The following TMEM132D variants were observed in gnomAD, a reference collection of about 807,000 sequenced individuals.
TMEM132D encodes transmembrane protein 132D.
TMEM132D carries 21 observed loss-of-function variants against 62.3 expected under a neutral mutation model. The ratio of observed to expected loss-of-function variants is 0.34; its 90% CI spans 0.24 to 0.49. The LOEUF (loss-of-function observed/expected upper bound fraction) is 0.49, where lower values mean the gene tolerates loss of function less well. TMEM132D is among the 20% of genes least tolerant of loss of function. TMEM132D has a pLI of 0.99. For synonymous variants in TMEM132D, 621 were observed against 575.6 expected, an observed-to-expected ratio of 1.08 and a Z score of -1.13; for missense variants, 1,346 against 1,402.8, an observed-to-expected ratio of 0.96 and a Z score of 0.65.
At chr12:129,626,751 G>C (rs140534843) in intron 2 of TMEM132D, among the ~76,000 whole-genome samples, 2 of 151,990 alleles carry the variant, frequency 1.3e-5, no homozygotes, top group Non-Finnish European at 2.9e-5. Flanking sequence ...CCACCAGGCC[G>C]GCCTAGTGCA....
intron 5 of TMEM132D, among the ~76,000 whole-genome samples, chr12:129,186,308 C>A (rs1878220836): frequency 6.6e-6 from 1 of 152,226 alleles, no homozygotes; most frequent in East Asian, 1.9e-4. Flanking sequence ...GCAGCCCCTG[C>A]AGAGACCCCT....
chr12:129,239,151 T>C (rs1035335740), intron 4 of TMEM132D, among the ~76,000 whole-genome samples: 3 of 152,318 alleles, frequency 2.0e-5, no homozygotes. Flanking sequence ...GAGAAATGTC[T>C]GTTCATGTTC....
intron 2 of TMEM132D, among the ~76,000 whole-genome samples, chr12:129,559,770 C>A (rs1398747142): frequency 1.3e-5 from 2 of 152,150 alleles, no homozygotes; most frequent in Admixed American, 6.6e-5. Flanking sequence ...TAATATTAAG[C>A]CTGCCTTAAT....
At chr12:129,364,616 T>C (rs1870348961) in intron 3 of TMEM132D, among the ~76,000 whole-genome samples, 1 of 152,222 alleles carries the variant, frequency 6.6e-6, no homozygotes, top group African/African-American at 2.4e-5. Flanking sequence ...TTAGTGCTTT[T>C]ACCTCACTTT....
chr12:129,477,408 C>T (rs977979106), intron 3 of TMEM132D, among the ~76,000 whole-genome samples: 1 of 152,238 alleles, frequency 6.6e-6, no homozygotes, highest in African/African-American at 2.4e-5. Context: ...GACCAATACA[C>T]TAGGCATTTG....
At chr12:129,844,358 C>CA (rs1873290690) in intron 1 of TMEM132D, among the ~76,000 whole-genome samples, 1 of 152,132 alleles carries the variant, frequency 6.6e-6, no homozygotes, top group African/African-American at 2.4e-5. Context: ...GTCACTCTGC[C>CA]AGGTGGGCAT....
chr12:129,606,084 C>A (rs568486140), intron 2 of TMEM132D, among the ~76,000 whole-genome samples: 1 of 152,196 alleles, frequency 6.6e-6, no homozygotes, highest in Non-Finnish European at 1.5e-5. Flanking sequence ...AAAAAAGACA[C>A]TTTCTCTGCA....
At chr12:129,514,864 T>C (rs1409451364) in intron 3 of TMEM132D, among the ~76,000 whole-genome samples, 1 of 152,188 alleles carries the variant, frequency 6.6e-6, no homozygotes, top group Non-Finnish European at 1.5e-5. Flanking sequence ...GCACTGTTCC[T>C]ATGGGAAAAT....
chr12:129,599,947 T>G (rs1878442349), intron 2 of TMEM132D, among the ~76,000 whole-genome samples: 1 of 152,202 alleles, frequency 6.6e-6, no homozygotes, highest in Non-Finnish European at 1.5e-5. Flanking sequence ...GGTTGGGGAC[T>G]GCTGAAGGTT....
At chr12:129,341,816 C>T (rs1253244830) in intron 3 of TMEM132D, among the ~76,000 whole-genome samples, 1 of 151,972 alleles carries the variant, frequency 6.6e-6, no homozygotes, top group East Asian at 1.9e-4. Flanking sequence ...GAGTGAACTC[C>T]CATTCACAAT....
intron 4 of TMEM132D, among the ~76,000 whole-genome samples, chr12:129,238,769 A>G (rs1225779375): frequency 6.6e-6 from 1 of 152,226 alleles, no homozygotes; most frequent in Non-Finnish European, 1.5e-5. Context: ...GGCTATAGTG[A>G]ATAAAGCTGC....
chr12:129,073,555 C>T lies in TMEM132D; in HGVS notation c.*320G>A, dbSNP rs1874143745. 1 of 254,620 alleles carries T rather than the reference C, an allele frequency of 3.9e-6. No individual in the cohort carries two copies. The allele number at this position is 254,620 out of a possible 1,614,324, so 15.8% of individuals were successfully genotyped here. A position where few individuals can be genotyped will look rare whatever the true frequency, so the allele number is the denominator to read the frequency against. On this transcript the variant is annotated 3_prime_UTR_variant, in exon 9 of 9. Coordinates refer to ENST00000422113, the MANE Select transcript of TMEM132D (RefSeq NM_133448.3). ...TGTGGATTTTACAATATCCAAATTGCTTTGATTCGAGAGAGAGAGGCTGTT... is the reference window on the plus strand; with the variant it reads ...TGTGGATTTTACAATATCCAAATTGTTTTGATTCGAGAGAGAGAGGCTGTT...
At chr12:129,523,550 G>A (rs779951290) in intron 3 of TMEM132D, among the ~76,000 whole-genome samples, 1 of 152,218 alleles carries the variant, frequency 6.6e-6, no homozygotes, top group South Asian at 2.1e-4. Flanking sequence ...GCTCCGGCTA[G>A]CAAAGACGCG....
chr12:129,353,141 C>CT (rs1282105917), intron 3 of TMEM132D, among the ~76,000 whole-genome samples: 1 of 129,548 alleles, frequency 7.7e-6, no homozygotes, highest in South Asian at 2.8e-4. Flanking sequence ...CTTCTCTCTT[C>CT]TTTTTATCCT....
At chr12:129,131,799 C>T (rs1258344565) in intron 5 of TMEM132D, among the ~76,000 whole-genome samples, 1 of 152,102 alleles carries the variant, frequency 6.6e-6, no homozygotes, top group Non-Finnish European at 1.5e-5. Context: ...ACCTGTTAGA[C>T]CCCAGTAATT....
intron 5 of TMEM132D, among the ~76,000 whole-genome samples, chr12:129,151,985 C>T (rs560084727): frequency 6.7e-6 from 1 of 149,992 alleles, no homozygotes; most frequent in African/African-American, 2.4e-5. Context: ...TCAAACGATT[C>T]TCCTGCCTCA....
rs577882025 is a variant in TMEM132D at position 129,657,245 on chromosome 12, G to C, written c.968+42565C>G. ...GTACAGGAAATGATGTCTCCACTGT[G>C]CCAGTGTCTGTGCCACCCCAAGTAC... On this transcript the variant is annotated intron_variant, in intron 2 of 8. Coordinates refer to ENST00000422113, the MANE Select transcript of TMEM132D (RefSeq NM_133448.3). Among the ~76,000 whole-genome samples the C allele has an allele frequency of 5.9e-5, 9 of 152,358 alleles. No homozygotes were observed. The South Asian group carries it at 1.7e-3, about 28-fold the overall frequency.
chr12:129,564,055 G>T (rs752704787), intron 2 of TMEM132D, among the ~76,000 whole-genome samples: 1 of 151,976 alleles, frequency 6.6e-6, no homozygotes, highest in East Asian at 1.9e-4. Flanking sequence ...TAACTAAGAC[G>T]TTTCAGGGTA....
chr12:129,807,949 A>G (rs561482247), intron 1 of TMEM132D, among the ~76,000 whole-genome samples: 5 of 152,228 alleles, frequency 3.3e-5, no homozygotes, highest in African/African-American at 4.8e-5. Flanking sequence ...GTTCCAAAGC[A>G]GCAGCAAGTC....
Sources: gnomAD v4.1 joint callset for allele counts (sites outside exome capture counted in the v4.1 genomes callset) on GRCh38, gnomAD v4.1.1 for gene constraint, MANE v1.5 for transcripts, NCBI Gene and HGNC (gene_info 2026-07-23, HGNC 2026-07-21) for gene names.